GPALPP1: variants seen among roughly 807,000 people sequenced by gnomAD.
GPALPP1 encodes the protein GPALPP motifs-containing protein 1.
In GPALPP1, 30 loss-of-function variants were observed where a neutral mutation model predicts 38.9. The ratio of observed to expected loss-of-function variants is 0.77; its 90% CI spans 0.58 to 1.05. The LOEUF (loss-of-function observed/expected upper bound fraction) is 1.05, where lower values mean the gene tolerates loss of function less well. Among genes scored for constraint, GPALPP1 ranks in the 50% least tolerant of loss-of-function variants. The pLI, the probability that GPALPP1 is intolerant of heterozygous loss-of-function variation, is 0.00. For synonymous variants in GPALPP1, 120 were observed against 139.2 expected (o/e 0.86, Z 0.97); for missense variants, 384 against 408.8 (o/e 0.94, Z 0.52).
intron 5 of GPALPP1, 134 bp from the exon 6 acceptor site, chr13:45,015,298 T>C (rs1874767952): frequency 1.7e-6 from 1 of 596,734 alleles, no homozygotes. Context: ...GACAAAAACA[T>C]CGATCCTTTA....
At chr13:45,018,593 G>A (rs968894503) in intron 6 of GPALPP1, among the ~76,000 whole-genome samples, 1 of 151,536 alleles carries the variant, frequency 6.6e-6, no homozygotes, top group Non-Finnish European at 1.5e-5. Flanking sequence ...CTATTTTCTG[G>A]GAAAATGTAG....
Position 45,029,926 on chromosome 13 carries a change from G to A in GPALPP1, c.*1923G>A, listed in dbSNP as rs1876107638. The A allele has an allele frequency of 6.6e-6, 1 of 152,170 alleles. No individual in the cohort carries two copies. The highest frequency in any genetic ancestry group is 2.4e-5 in the African/African-American group (1 of 41,452). The allele number at this position is 152,170 out of a possible 1,614,324, so 9.4% of individuals were successfully genotyped here. ...ATCAAGATAAGATATGCCATTAACT[G>A]TTAGCATTGTGAAATCTGTAAGACT... is the stretch of plus-strand genomic sequence containing the variant. On this transcript the variant is annotated 3_prime_UTR_variant, in exon 8 of 8. Transcript: ENST00000379151.
rs1167686165 is a variant in GPALPP1, at chr13:45,017,509, T to G, written c.705+1913T>G. Among the ~76,000 whole-genome samples, 4 of 152,214 alleles carry G rather than the reference T, an allele frequency of 2.6e-5. 1 individual carries two copies. Among genetic ancestry groups the G allele is most frequent in the Non-Finnish European group, 5.9e-5 (4 of 68,040 alleles). ...AAATAATAATTATTTATTGGAGTTT[T>G]TATAATTTGGCCTTTAAGATTGTCT... On this transcript the variant is annotated intron_variant, in intron 6 of 7. Transcript: ENST00000379151.
intron 1 of GPALPP1, among the ~76,000 whole-genome samples, chr13:44,995,197 CA>C (rs1873169619): frequency 2.8e-5 from 1 of 35,490 alleles, no homozygotes; most frequent in African/African-American, 4.8e-5. Flanking sequence ...CACACACACA[CA>C]CACACCCCTT....
At chr13:45,021,640 TAA>T (rs962109384) in intron 7 of GPALPP1, among the ~76,000 whole-genome samples, 1 of 105,268 alleles carries the variant, frequency 9.5e-6, no homozygotes, top group African/African-American at 3.5e-5. Flanking sequence ...AAAAAAAACA[TAA>T]AAAAAAAAAA....
intron 1 of GPALPP1, 94 bp downstream of exon 1, chr13:44,989,836 G>A (rs1872650665): frequency 2.2e-6 from 2 of 906,192 alleles, no homozygotes; most frequent in Non-Finnish European, 3.4e-6. Context: ...CTAGGAGGGC[G>A]GAGGAGTGGG....
chr13:45,008,512 T>C (rs1237627554), intron 3 of GPALPP1, among the ~76,000 whole-genome samples: 1 of 152,216 alleles, frequency 6.6e-6, no homozygotes, highest in East Asian at 1.9e-4. Flanking sequence ...TTTAATATAG[T>C]TCTTTTTAGG....
At chr13:44,996,037 T>C (rs1477984780) in intron 1 of GPALPP1, among the ~76,000 whole-genome samples, 1 of 152,134 alleles carries the variant, frequency 6.6e-6, no homozygotes, top group Non-Finnish European at 1.5e-5. Context: ...ACTCAGTAGA[T>C]TCCTTTTGGC....
At chr13:45,037,491 A>G (rs1876425923) in exon 8 of GPALPP1, 1 of 152,232 alleles carries the variant, frequency 6.6e-6, no homozygotes, top group Non-Finnish European at 1.5e-5. Context: ...ATTGACCAGC[A>G]AATAAATCTA....
chr13:45,031,142 G>A (rs1876179117), downstream of GPALPP1: 2 of 152,216 alleles, frequency 1.3e-5, no homozygotes, highest in African/African-American at 4.8e-5. Flanking sequence ...GGCAACAAGA[G>A]TGAAACTCCA....
At chr13:45,014,165 A>G (rs897167759) in intron 4 of GPALPP1, among the ~76,000 whole-genome samples, 2 of 152,204 alleles carry the variant, frequency 1.3e-5, no homozygotes, top group East Asian at 3.8e-4. Context: ...TATTGGTACC[A>G]TGACTCTTAG....
intron 4 of GPALPP1, among the ~76,000 whole-genome samples, chr13:45,011,428 T>C (rs1874468304): frequency 6.6e-6 from 1 of 152,144 alleles, no homozygotes; most frequent in Non-Finnish European, 1.5e-5. Context: ...TTTAATTGAC[T>C]CACAGTTTAG....
At chr13:45,018,925 GTATAAATATATACA>G (rs1875079589) in intron 6 of GPALPP1, among the ~76,000 whole-genome samples, 1 of 72,780 alleles carries the variant, frequency 1.4e-5, no homozygotes, top group Non-Finnish European at 2.3e-5. Context: ...ACATATAAAT[GTATAAATATATACA>G]TATAAATATA....
Position 44,989,931 on chromosome 13 carries a change from G to T in GPALPP1, c.88+189G>T, listed in dbSNP as rs1872660060. On this transcript the variant is annotated intron_variant, in intron 1 of 7. Transcript: ENST00000379151. ...GAGGCTGGGGGACCCTCCTAGAAAC[G>T]AGCTTTGGCGTGGTTTGGCTTCGTG... The T allele has an allele frequency of 1.3e-5, 8 of 595,214 alleles. No homozygotes were observed. In the South Asian group the frequency reaches 1.6e-4, roughly 12 times the overall value. 36.9% of individuals were successfully genotyped at this position (595,214 alleles called of 1,614,324 possible).
rs1311836569 is a variant in GPALPP1 at position 45,028,012 on chromosome 13, A to T, written c.*9A>T. On this transcript the variant is annotated 3_prime_UTR_variant, in exon 8 of 8. Transcript: ENST00000379151. ...GCAATATGTTTTTATAAGTAAGTAT[A>T]TTTCAGTGAGGTATATTTTAATACT... is the stretch of plus-strand genomic sequence containing the variant. 9 of 1,406,352 alleles carry T rather than the reference A, an allele frequency of 6.4e-6. No homozygotes were observed. Among genetic ancestry groups the T allele is most frequent in the Admixed American group, 5.1e-5 (3 of 58,860 alleles). 87.1% of individuals were successfully genotyped at this position (1,406,352 alleles called of 1,614,324 possible). A position where few individuals can be genotyped will look rare whatever the true frequency, so the allele number is the denominator to read the frequency against.
At chr13:45,022,317 T>C (rs1315787179) in intron 7 of GPALPP1, among the ~76,000 whole-genome samples, 1 of 152,144 alleles carries the variant, frequency 6.6e-6, no homozygotes, top group African/African-American at 2.4e-5. Flanking sequence ...GGAAACAGCA[T>C]ATGCCTGAAG....
intron 1 of GPALPP1, among the ~76,000 whole-genome samples, chr13:44,993,355 G>C (rs1872979882): frequency 6.6e-6 from 1 of 152,140 alleles, no homozygotes. Flanking sequence ...ATTTTGAGAG[G>C]CCGGGCACGG....
intron 7 of GPALPP1, among the ~76,000 whole-genome samples, chr13:45,024,170 T>TGTGC (rs1256409866): frequency 7.8e-6 from 1 of 128,030 alleles, no homozygotes; most frequent in Non-Finnish European, 1.6e-5. Flanking sequence ...TGTGTGTGTG[T>TGTGC]GTGTGTGTGT....
chr13:45,001,441 T>C (rs1021956878), intron 1 of GPALPP1, among the ~76,000 whole-genome samples: 1 of 152,146 alleles, frequency 6.6e-6, no homozygotes, highest in South Asian at 2.1e-4. Context: ...ACCTAAATTT[T>C]TAAGGCTGTA....
Sources: allele counts gnomAD v4.1 joint callset (sites outside exome capture counted in the v4.1 genomes callset), GRCh38; gene constraint gnomAD v4.1.1; transcripts MANE v1.5; gene names NCBI Gene and HGNC (gene_info 2026-07-23, HGNC 2026-07-21).